NCBP1: variants seen among roughly 807,000 people sequenced by gnomAD.
The protein encoded by NCBP1 is nuclear cap-binding protein subunit 1.
NCBP1 carries 16 observed loss-of-function variants against 111.7 expected under a neutral mutation model. That is an observed-to-expected ratio of 0.14 (90% CI 0.10 to 0.22). The LOEUF (loss-of-function observed/expected upper bound fraction) is 0.22, where lower values mean the gene tolerates loss of function less well. NCBP1 is among the 10% of genes least tolerant of loss of function. The pLI is 1.00. For synonymous variants in NCBP1, 304 were observed against 314.3 expected, an observed-to-expected ratio of 0.97 and a Z score of 0.35; for missense variants, 607 against 957.5, an observed-to-expected ratio of 0.63 and a Z score of 4.83.
chr9:97,654,794 C>T lies in NCBP1; in HGVS notation c.1171-86C>T, dbSNP rs1827601110. 7.6e-6 allele frequency: 9 copies of T among 1,176,674 alleles called. No individual in the cohort carries two copies. In the Admixed American group the frequency reaches 1.7e-4, roughly 22 times the overall value. 72.9% of individuals were successfully genotyped at this position (1,176,674 alleles called of 1,614,324 possible). A position where few individuals can be genotyped will look rare whatever the true frequency, so the allele number is the denominator to read the frequency against. On this transcript the variant is annotated intron_variant, in intron 11 of 22. Transcript: ENST00000375147. ...TCAGCATTATTAATCATTATAAAGACTTGAAATGTTTTATTTCTATTCTTG... is the reference window on the plus strand; with the variant it reads ...TCAGCATTATTAATCATTATAAAGATTTGAAATGTTTTATTTCTATTCTTG...
intron 1 of NCBP1, among the ~76,000 whole-genome samples, chr9:97,639,845 T>C (rs1310927946): frequency 1.3e-5 from 2 of 152,168 alleles, no homozygotes; most frequent in African/African-American, 4.8e-5. Context: ...GACAGGTGTT[T>C]GAGGTTAATT....
chr9:97,648,302 T>C (rs1195630384), intron 8 of NCBP1, 79 bp downstream of exon 8: 3 of 1,305,258 alleles, frequency 2.3e-6, no homozygotes, highest in Non-Finnish European at 1.1e-6. Context: ...GAATTATGCC[T>C]GTGGTATGTT....
At chr9:97,643,472 A>C in intron 4 of NCBP1, 112 bp downstream of exon 4, 1 of 1,169,672 alleles carries the variant, frequency 8.5e-7, no homozygotes, top group Non-Finnish European at 1.2e-6. Flanking sequence ...ATTCACTTTC[A>C]TAGCTTCATA....
intron 5 of NCBP1, 28 bp downstream of exon 5, chr9:97,645,252 GAGGGGTTCTTGAGGGGTTACTGA>G (rs746667696): frequency 6.5e-7 from 1 of 1,543,156 alleles, no homozygotes; most frequent in South Asian, 1.1e-5. Context: ...GCTGAATCTT[GAGGGGTTCTTGAGGGGTTACTGA>G]ATCCTGGTAC....
At chr9:97,646,835 G>A (rs1479514598) in intron 6 of NCBP1, among the ~76,000 whole-genome samples, 8 of 101,510 alleles carry the variant, frequency 7.9e-5, no homozygotes, top group South Asian at 3.2e-4. Flanking sequence ...GTGAGACTCC[G>A]TCTCAAAAAA....
Position 97,633,874 on chromosome 9 carries a change from A to G in NCBP1, c.-8A>G. 6.3e-7 allele frequency: 1 copy of G among 1,586,726 alleles called. No homozygotes were observed. Among genetic ancestry groups the G allele is most frequent in the African/African-American group, 1.3e-5 (1 of 74,146 alleles). On this transcript the variant is annotated 5_prime_UTR_variant, in exon 1 of 23. Transcript: ENST00000375147. ...GCCTCTCGGTTCCGCGGCGCACCGGAGGGCAGCATGTCGCGGCGGCGGCAC... is the reference window on the plus strand; with the variant it reads ...GCCTCTCGGTTCCGCGGCGCACCGGGGGGCAGCATGTCGCGGCGGCGGCAC...
chr9:97,665,750 GC>G (rs769252764), intron 19 of NCBP1, among the ~76,000 whole-genome samples: 25 of 147,658 alleles, frequency 1.7e-4, no homozygotes, highest in Non-Finnish European at 3.3e-4. Context: ...CACCGACTTC[GC>G]CCCACCCACC....
intron 20 of NCBP1, 31 bp downstream of exon 20, chr9:97,666,908 A>G: frequency 7.1e-7 from 1 of 1,408,822 alleles, no homozygotes; most frequent in Non-Finnish European, 9.8e-7. Flanking sequence ...TAAGTAGTTA[A>G]AGAAAATATA....
At chr9:97,637,688 T>C (rs1827086212) in intron 1 of NCBP1, among the ~76,000 whole-genome samples, 1 of 152,314 alleles carries the variant, frequency 6.6e-6, no homozygotes, top group South Asian at 2.1e-4. Context: ...AATATCAAAA[T>C]AGATGAGCCA....
intron 14 of NCBP1, among the ~76,000 whole-genome samples, chr9:97,656,447 C>T (rs1378438852): frequency 1.3e-5 from 2 of 152,216 alleles, no homozygotes; most frequent in Non-Finnish European, 2.9e-5. Context: ...GGCGTGTTGG[C>T]GAACGTCTAT....
chr9:97,663,863 A>C (rs1827912008), intron 18 of NCBP1, among the ~76,000 whole-genome samples: 3 of 151,906 alleles, frequency 2.0e-5, no homozygotes. Context: ...AGAGCAAAGC[A>C]AAGGGGAGAA....
At position 97,671,162 on chromosome 9, in the gene NCBP1, T is replaced by C; in HGVS notation, c.2336T>C (p.Leu779Ser). The stretch of plus-strand genomic sequence containing the variant: ...ACTGCTGAATTAGACCCTCATATCT[T>C]GGCCGTGTTCCAGCAGTTCTGTGCC... ...LFTAELDPHI[L>S]AVFQQFCALQ... Residue 779 changes from leucine (L) to serine (S), a missense_variant, in exon 23 of 23, where the codon TTG (leucine) becomes TCG (serine). Leu to Ser is a moderately radical substitution (Grantham distance 145, BLOSUM62 -2). Coordinates refer to ENST00000375147, the MANE Select transcript of NCBP1 (RefSeq NM_002486.5). The C allele has an allele frequency of 6.2e-7, 1 of 1,613,610 alleles. No individual in the cohort carries two copies. The highest frequency in any genetic ancestry group is 8.5e-7 in the Non-Finnish European group (1 of 1,179,500).
intron 8 of NCBP1, 94 bp from the exon 9 acceptor site, chr9:97,650,409 G>A (rs1827467516): frequency 1.1e-6 from 1 of 889,812 alleles, no homozygotes; most frequent in African/African-American, 1.7e-5. Context: ...CCAGTTTAGT[G>A]CTTGGAACAT....
chr9:97,635,344 G>A (rs1826982180), intron 1 of NCBP1, among the ~76,000 whole-genome samples: 1 of 151,796 alleles, frequency 6.6e-6, no homozygotes, highest in Admixed American at 6.6e-5. Flanking sequence ...ACTATGCTGC[G>A]TGCTTTGATT....
chr9:97,667,246 C>T (rs778875063), intron 20 of NCBP1, among the ~76,000 whole-genome samples: 2 of 152,090 alleles, frequency 1.3e-5, no homozygotes, highest in African/African-American at 2.4e-5. Flanking sequence ...ACACTTTCCC[C>T]GTACTGTGAG....
intron 14 of NCBP1, among the ~76,000 whole-genome samples, chr9:97,657,885 GCT>G (rs3052096): frequency 0.011 from 1,291 of 113,952 alleles, 17 homozygotes; most frequent in East Asian, 0.032. Flanking sequence ...GCCCCGGTAA[GCT>G]CTCTCTCTCT....
At chr9:97,659,999 T>C (rs1587719347) in intron 15 of NCBP1, among the ~76,000 whole-genome samples, 1 of 152,194 alleles carries the variant, frequency 6.6e-6, no homozygotes, top group Admixed American at 6.5e-5. Context: ...CTTTTCTCCT[T>C]CTAGATTCTA....
intron 17 of NCBP1, 73 bp from the exon 18 acceptor site, chr9:97,662,881 A>C: frequency 8.8e-7 from 1 of 1,138,004 alleles, no homozygotes; most frequent in Non-Finnish European, 1.3e-6. Flanking sequence ...AGTAACATTG[A>C]AAAGGCTTTG....
chr9:97,659,299 T>G, intron 15 of NCBP1, among the ~76,000 whole-genome samples: 1 of 152,162 alleles, frequency 6.6e-6, no homozygotes. Flanking sequence ...GGTGTGGAGT[T>G]TTTCCAACTT....
Sources: gnomAD v4.1 joint callset for allele counts (sites outside exome capture counted in the v4.1 genomes callset) on GRCh38, gnomAD v4.1.1 for gene constraint, MANE v1.5 for transcripts, NCBI Gene and HGNC (gene_info 2026-07-23, HGNC 2026-07-21) for gene names.